Variants in HMCN1 observed in about 807,000 individuals in gnomAD.
HMCN1 encodes the protein hemicentin-1.
HMCN1 carries 321 observed loss-of-function variants against 625.9 expected under a neutral mutation model. The ratio of observed to expected loss-of-function variants is 0.51; its 90% CI spans 0.47 to 0.56. The LOEUF (loss-of-function observed/expected upper bound fraction) is 0.56. Among genes scored for constraint, HMCN1 ranks in the 20% least tolerant of loss-of-function variants. The pLI is 0.00. For missense variants in HMCN1, 6,588 were observed against 6,887.3 expected, an observed-to-expected ratio of 0.96 and a Z score of 1.54; for synonymous variants, 2,425 against 2,417.6, an observed-to-expected ratio of 1.00 and a Z score of -0.09.
rs1174934977 is a variant in HMCN1 at position 185,947,517 on chromosome 1, T to C, written c.1828+13693T>C. ...TTGATAAACCATGATCATAATTTAC[T>C]TAATTATTGCCACTCAGAAATAACT... is the stretch of plus-strand genomic sequence containing the variant. On this transcript the variant is annotated intron_variant, in intron 11 of 106. Coordinates refer to ENST00000271588, the MANE Select transcript of HMCN1 (RefSeq NM_031935.3). Among the ~76,000 whole-genome samples the C allele has an allele frequency of 3.3e-5, 5 of 152,242 alleles. No individual in the cohort carries two copies. In the East Asian group the frequency reaches 9.6e-4, roughly 29 times the overall value.
Position 186,016,951 on chromosome 1 carries a change from G to A in HMCN1, c.5192-12G>A, listed in dbSNP as rs577565205. 1 of 1,459,540 alleles carries A rather than the reference G, an allele frequency of 6.9e-7. No homozygotes were observed. Among genetic ancestry groups the A allele is most frequent in the East Asian group, 2.3e-5 (1 of 44,010 alleles). 90.4% of individuals were successfully genotyped at this position (1,459,540 alleles called of 1,614,324 possible). A position where few individuals can be genotyped will look rare whatever the true frequency, so the allele number is the denominator to read the frequency against. ...ACATTTCTTTGCATGTTACATTCCTGTTGTTTTCTAGTGCCACCAGCTATA... is the reference window on the plus strand; with the variant it reads ...ACATTTCTTTGCATGTTACATTCCTATTGTTTTCTAGTGCCACCAGCTATA... On this transcript the variant is annotated splice_polypyrimidine_tract_variant and intron_variant, in intron 32 of 106. Transcript: ENST00000271588.
intron 104 of HMCN1, 63 bp from the exon 105 acceptor site, chr1:186,182,105 G>A: frequency 6.3e-7 from 1 of 1,589,252 alleles, no homozygotes; most frequent in Non-Finnish European, 8.6e-7. Context: ...ATGAGAGTTG[G>A]CTCTGTCACA....
At chr1:186,137,761 T>A in intron 88 of HMCN1, 41 bp from the exon 89 acceptor site, 4 of 1,614,074 alleles carry the variant, frequency 2.5e-6, no homozygotes, top group Non-Finnish European at 3.4e-6. Context: ...GTATTCCCAA[T>A]TGAAATATAC....
intron 1 of HMCN1, among the ~76,000 whole-genome samples, chr1:185,754,065 G>A (rs555554384): frequency 1.8e-4 from 28 of 152,126 alleles, no homozygotes; most frequent in Non-Finnish European, 3.4e-4. Context: ...GTATATGTGC[G>A]CTATGAAATA....
chr1:186,070,531 G>C (rs758982304), intron 51 of HMCN1, 81 bp from the exon 52 acceptor site: 50 of 1,230,162 alleles, frequency 4.1e-5, no homozygotes, highest in Non-Finnish European at 5.9e-5. Context: ...TTCTTGATAA[G>C]TAATCCTCAG....
Position 186,069,732 on chromosome 1 carries a change from A to G in HMCN1, c.7949A>G (p.Asn2650Ser). ...GGAAGATACTCTTGTGTAGCCACGA[A>G]TGAGGCTGGAGAAATGATAAAGCAC... is the stretch of plus-strand genomic sequence containing the variant. ...NAGRYSCVAT[N>S]EAGEMIKHYE... The change falls in exon 51 of 107, where the codon AAT becomes AGT. Residue 2650 changes from asparagine to serine, a missense_variant. Asn to Ser is a conservative substitution (Grantham distance 46). Transcript: ENST00000271588. 1 of 1,613,540 alleles carries G rather than the reference A, an allele frequency of 6.2e-7. No homozygotes were observed. The highest frequency in any genetic ancestry group is 1.3e-5 in the African/African-American group (1 of 75,046).
intron 68 of HMCN1, among the ~76,000 whole-genome samples, chr1:186,096,265 T>G (rs4548394): frequency 0.025 from 3,773 of 152,254 alleles, 162 homozygotes; most frequent in African/African-American, 0.086. Context: ...GTTATAATCC[T>G]TCTCAGAGCA....
chr1:185,858,955 T>C (rs1265999531), intron 2 of HMCN1, among the ~76,000 whole-genome samples: 1 of 150,858 alleles, frequency 6.6e-6, no homozygotes. Flanking sequence ...AAAGCTAAAC[T>C]GAAAGATCAG....
chr1:186,161,957 C>T (rs11583312), intron 97 of HMCN1, among the ~76,000 whole-genome samples: 9,594 of 151,814 alleles, frequency 0.063, 730 homozygotes, highest in African/African-American at 0.19. Context: ...TGAATCTGAA[C>T]GTTGGCCTGC....
intron 1 of HMCN1, among the ~76,000 whole-genome samples, chr1:185,806,984 T>C (rs1054985557): frequency 6.6e-6 from 1 of 152,196 alleles, no homozygotes; most frequent in African/African-American, 2.4e-5. Flanking sequence ...TGAAAATCTA[T>C]AAAATTACAC....
intron 4 of HMCN1, among the ~76,000 whole-genome samples, chr1:185,895,446 C>G (rs890734497): frequency 2.0e-4 from 30 of 152,170 alleles, no homozygotes; most frequent in African/African-American, 6.8e-4. Flanking sequence ...TGGTCTCTTA[C>G]TGAATCATAA....
intron 1 of HMCN1, among the ~76,000 whole-genome samples, chr1:185,753,316 A>G (rs777725375): frequency 5.9e-5 from 9 of 152,110 alleles, no homozygotes; most frequent in South Asian, 2.1e-4. Flanking sequence ...ATCTATGCCA[A>G]TGGCTCAGTT....
chr1:186,033,064 GCACACA>G (rs61063202), intron 36 of HMCN1, among the ~76,000 whole-genome samples: 29 of 140,396 alleles, frequency 2.1e-4, no homozygotes, highest in African/African-American at 5.8e-4. Context: ...ATACACACAC[GCACACA>G]CACACACACA....
chr1:185,889,430 G>A (rs1664898366), intron 4 of HMCN1, among the ~76,000 whole-genome samples: 1 of 147,492 alleles, frequency 6.8e-6, no homozygotes, highest in African/African-American at 2.7e-5. Context: ...CATTCAGTAT[G>A]ATACTGGCTG....
At chr1:185,845,942 G>A (rs1003851561) in intron 1 of HMCN1, 84 bp from the exon 2 acceptor site, 38 of 843,670 alleles carry the variant, frequency 4.5e-5, no homozygotes, top group African/African-American at 1.3e-4. Flanking sequence ...TGTACTGCAA[G>A]GTGAAAAGAC....
At chr1:186,087,783 A>C in intron 60 of HMCN1, 138 bp downstream of exon 60, 1 of 1,164,736 alleles carries the variant, frequency 8.6e-7, no homozygotes, top group Non-Finnish European at 1.3e-6. Flanking sequence ...GCCATTGACT[A>C]TTTTTATAAA....
At chr1:186,164,481 G>A (rs1333047510) in intron 97 of HMCN1, among the ~76,000 whole-genome samples, 4 of 152,040 alleles carry the variant, frequency 2.6e-5, no homozygotes, top group African/African-American at 7.2e-5. Flanking sequence ...CTGACCTTGT[G>A]ATCCGCCCGC....
intron 12 of HMCN1, 80 bp from the exon 13 acceptor site, chr1:185,963,688 T>A: frequency 9.2e-7 from 1 of 1,090,834 alleles, no homozygotes; most frequent in Middle Eastern, 2.9e-4. Context: ...TGAAAATATT[T>A]TAAAGGAAAG....
At chr1:185,927,545 C>G (rs1207749023) in intron 9 of HMCN1, among the ~76,000 whole-genome samples, 2 of 152,120 alleles carry the variant, frequency 1.3e-5, no homozygotes, top group Admixed American at 6.5e-5. Context: ...CTTACAAACC[C>G]TAGTTGTACC....
Sources: allele counts gnomAD v4.1 joint callset (sites outside exome capture counted in the v4.1 genomes callset), GRCh38; gene constraint gnomAD v4.1.1; transcripts MANE v1.5; gene names NCBI Gene and HGNC (gene_info 2026-07-23, HGNC 2026-07-21).